The following PTPRD variants were observed in gnomAD, a reference collection of about 807,000 sequenced individuals.
PTPRD encodes the protein receptor-type tyrosine-protein phosphatase delta.
Under a neutral mutation model 214.5 loss-of-function variants are expected in PTPRD, and 34 were observed. The ratio of observed to expected loss-of-function variants is 0.16; its 90% CI spans 0.12 to 0.21. The LOEUF is 0.21. Ranked by LOEUF, PTPRD falls within the 10% of genes least tolerant of loss-of-function variation. The probability of loss-of-function intolerance (pLI) is 1.00; values close to 1 mark genes in which losing one functional copy is unlikely to be tolerated. For synonymous variants in PTPRD, 1,128 were observed against 845.7 expected (o/e 1.33, Z -5.79); for missense variants, 2,545 against 2,398.7 (o/e 1.06, Z -1.27).
intron 34 of PTPRD, among the ~76,000 whole-genome samples, chr9:8,448,389 AG>A (rs1213636359): frequency 6.6e-6 from 1 of 152,172 alleles, no homozygotes; most frequent in Non-Finnish European, 1.5e-5. Flanking sequence ...AGGCTGAAGT[AG>A]TTAGTATCCA....
At chr9:8,727,141 T>A (rs990846728) in intron 12 of PTPRD, among the ~76,000 whole-genome samples, 1 of 152,198 alleles carries the variant, frequency 6.6e-6, no homozygotes, top group East Asian at 1.9e-4. Context: ...TCACAAATAC[T>A]GTTGATAATT....
chr9:10,502,384 G>A (rs1353607851), intron 2 of PTPRD, among the ~76,000 whole-genome samples: 3 of 151,714 alleles, frequency 2.0e-5, no homozygotes, highest in Non-Finnish European at 4.4e-5. Flanking sequence ...ACTTTACAGA[G>A]AACCCAAGAA....
intron 10 of PTPRD, among the ~76,000 whole-genome samples, chr9:9,120,197 A>T (rs1229482114): frequency 6.6e-6 from 1 of 152,212 alleles, no homozygotes. Flanking sequence ...GTCATAGAGA[A>T]GTACTAGACT....
At chr9:9,083,868 A>G (rs2099762832) in intron 10 of PTPRD, among the ~76,000 whole-genome samples, 1 of 152,234 alleles carries the variant, frequency 6.6e-6, no homozygotes, top group Non-Finnish European at 1.5e-5. Flanking sequence ...ATCTCACACC[A>G]GTTAGAATGG....
intron 11 of PTPRD, among the ~76,000 whole-genome samples, chr9:8,840,550 A>G (rs2154534742): frequency 6.6e-6 from 1 of 152,276 alleles, no homozygotes; most frequent in East Asian, 1.9e-4. Flanking sequence ...TTTCTTTCAA[A>G]TGACCCCATT....
intron 4 of PTPRD, among the ~76,000 whole-genome samples, chr9:9,986,087 T>G (rs756821281): frequency 6.6e-6 from 1 of 152,170 alleles, no homozygotes; most frequent in African/African-American, 2.4e-5. Flanking sequence ...CTGTATTCAT[T>G]AAGCAAAATT....
intron 5 of PTPRD, among the ~76,000 whole-genome samples, chr9:9,914,423 G>A (rs1049928148): frequency 1.4e-4 from 21 of 152,194 alleles, no homozygotes; most frequent in African/African-American, 7.2e-5. Flanking sequence ...GACATGCTGA[G>A]TAGCCGTGTA....
intron 11 of PTPRD, among the ~76,000 whole-genome samples, chr9:9,009,546 T>C (rs1045004975): frequency 2.0e-5 from 3 of 151,942 alleles, no homozygotes; most frequent in African/African-American, 7.3e-5. Flanking sequence ...GAAAAGTATA[T>C]GAAGATAAGA....
At position 9,834,019 on chromosome 9, in the gene PTPRD, C is replaced by A. The variant is rs1035916426; in HGVS notation, c.-367-67168G>T. 2.0e-5 allele frequency among the ~76,000 whole-genome samples: 3 copies of A among 152,118 alleles called. No homozygotes were observed. The East Asian group carries it at 5.8e-4, about 30-fold the overall frequency. ...CAGGATTAAGAGATTGAAGTAAAGACAGGCATAGGAAATCACAAGGTTATT... is the reference window on the plus strand; with the variant it reads ...CAGGATTAAGAGATTGAAGTAAAGAAAGGCATAGGAAATCACAAGGTTATT... On this transcript the variant is annotated intron_variant, in intron 5 of 45. Coordinates refer to ENST00000381196, the MANE Select transcript of PTPRD (RefSeq NM_002839.4).
chr9:9,321,182 G>T (rs1468439857), intron 9 of PTPRD, among the ~76,000 whole-genome samples: 1 of 152,110 alleles, frequency 6.6e-6, no homozygotes, highest in Non-Finnish European at 1.5e-5. Flanking sequence ...TTTTTCTCAT[G>T]ATTCTGATGT....
chr9:8,662,080 C>CT (rs1299222617), intron 12 of PTPRD, among the ~76,000 whole-genome samples: 3 of 152,008 alleles, frequency 2.0e-5, no homozygotes, highest in East Asian at 1.9e-4. Context: ...CCAGAGCCAA[C>CT]TTTTTTTTGT....
At chr9:8,805,368 G>C (rs953473250) in intron 11 of PTPRD, among the ~76,000 whole-genome samples, 2 of 152,058 alleles carry the variant, frequency 1.3e-5, no homozygotes, top group African/African-American at 4.8e-5. Context: ...TATCCTTGAA[G>C]GCAACATGAA....
At chr9:9,677,302 T>C (rs1564485858) in intron 7 of PTPRD, among the ~76,000 whole-genome samples, 2 of 152,164 alleles carry the variant, frequency 1.3e-5, no homozygotes, top group South Asian at 2.1e-4. Flanking sequence ...AGTTAATTTT[T>C]GTATAAGGTG....
chr9:9,248,649 T>C (rs1365792320), intron 9 of PTPRD, among the ~76,000 whole-genome samples: 1 of 152,094 alleles, frequency 6.6e-6, no homozygotes, highest in East Asian at 1.9e-4. Flanking sequence ...CTGTATAAAA[T>C]AGTTCTATGC....
rs556707090 is a variant in PTPRD, at chr9:9,345,278, T to C, written c.-203+52171A>G. ...TATTAAACATATATTTCAGTAAAAA[T>C]GTATTATCTAATCCATTAGGGCAGC... is the stretch of plus-strand genomic sequence containing the variant. On this transcript the variant is annotated intron_variant, in intron 9 of 45. Transcript: ENST00000381196. Among the ~76,000 whole-genome samples the C allele has an allele frequency of 4.6e-5, 7 of 152,104 alleles. No homozygotes were observed. The East Asian group carries it at 9.7e-4, about 21-fold the overall frequency.
chr9:9,830,459 G>A (rs1337916335), intron 5 of PTPRD, among the ~76,000 whole-genome samples: 1 of 151,804 alleles, frequency 6.6e-6, no homozygotes. Flanking sequence ...ATTTTTGATA[G>A]ATAATCATAT....
chr9:10,432,864 C>A (rs2098692268), intron 2 of PTPRD, among the ~76,000 whole-genome samples: 1 of 151,874 alleles, frequency 6.6e-6, no homozygotes. Context: ...TTGTTTCATA[C>A]CTCATTATTT....
In PTPRD at chr9:10,574,039, G is replaced by T. The variant is rs1567009073; in HGVS notation, c.-600+38359C>A. On this transcript the variant is annotated intron_variant, in intron 2 of 45. Coordinates refer to ENST00000381196, the MANE Select transcript of PTPRD (RefSeq NM_002839.4). ...AGTTTGCCAAGGAAGAATTCCGAAT[G>T]TTAAAATCAGTAACCTGAGGTATAT... is the stretch of plus-strand genomic sequence containing the variant. 2.6e-5 allele frequency among the ~76,000 whole-genome samples: 4 copies of T among 152,272 alleles called. No individual in the cohort carries two copies. The South Asian group carries it at 6.2e-4, about 24-fold the overall frequency.
At chr9:8,643,148 C>G (rs1307376556) in intron 12 of PTPRD, among the ~76,000 whole-genome samples, 4 of 152,132 alleles carry the variant, frequency 2.6e-5, no homozygotes, top group Non-Finnish European at 4.4e-5. Context: ...CCAAAACCAC[C>G]TGTTAGTTTT....
Sources: allele counts gnomAD v4.1 joint callset (sites outside exome capture counted in the v4.1 genomes callset), GRCh38; gene constraint gnomAD v4.1.1; transcripts MANE v1.5; gene names NCBI Gene and HGNC (gene_info 2026-07-23, HGNC 2026-07-21).